Variants in NCOA1 observed in about 807,000 individuals in gnomAD.
The protein encoded by NCOA1 is nuclear receptor coactivator 1.
Under a neutral mutation model 150.9 loss-of-function variants are expected in NCOA1, and 35 were observed. That is an observed-to-expected ratio of 0.23 (90% CI 0.18 to 0.31). The LOEUF (loss-of-function observed/expected upper bound fraction) is 0.31. Among genes scored for constraint, NCOA1 ranks in the 10% least tolerant of loss-of-function variants. NCOA1 has a pLI of 1.00. For missense variants in NCOA1, 1,491 were observed against 1,749.3 expected (o/e 0.85, Z 2.63); for synonymous variants, 590 against 630.0 (o/e 0.94, Z 0.95).
chr2:24,704,327 C>T (rs1457895992), intron 11 of NCOA1, among the ~76,000 whole-genome samples: 4 of 151,802 alleles, frequency 2.6e-5, no homozygotes, highest in East Asian at 3.9e-4. Flanking sequence ...TATGGTGTGT[C>T]AGTCATATCT....
chr2:24,538,295 A>T (rs996133883), intron 1 of NCOA1, among the ~76,000 whole-genome samples: 8 of 152,226 alleles, frequency 5.3e-5, no homozygotes, highest in African/African-American at 1.9e-4. Context: ...ATGCTCATAG[A>T]CTAAAATTGA....
chr2:24,713,917 G>T (rs4665271), intron 14 of NCOA1, among the ~76,000 whole-genome samples: 2 of 152,044 alleles, frequency 1.3e-5, no homozygotes, highest in East Asian at 3.9e-4. Context: ...CTGAATCAGG[G>T]TTCTTTTCTA....
At chr2:24,549,525 C>T (rs1665740101) in intron 1 of NCOA1, among the ~76,000 whole-genome samples, 1 of 152,122 alleles carries the variant, frequency 6.6e-6, no homozygotes. Flanking sequence ...ATTTTCTTCT[C>T]TATCACATTG....
At chr2:24,539,501 A>G (rs774775169) in intron 1 of NCOA1, among the ~76,000 whole-genome samples, 8 of 152,212 alleles carry the variant, frequency 5.3e-5, no homozygotes, top group East Asian at 1.9e-4. Context: ...AGGGCTTTGC[A>G]TATACTAAGG....
chr2:24,718,738 A>G (rs1674190820), intron 14 of NCOA1, among the ~76,000 whole-genome samples: 4 of 151,346 alleles, frequency 2.6e-5, no homozygotes, highest in African/African-American at 4.9e-5. Context: ...AAAAAAAAAA[A>G]ACAAATCAGC....
intron 4 of NCOA1, among the ~76,000 whole-genome samples, chr2:24,648,327 G>A (rs1305464575): frequency 1.3e-5 from 2 of 151,540 alleles, no homozygotes; most frequent in Non-Finnish European, 2.9e-5. Flanking sequence ...AGGCTGGAGT[G>A]CAGTGATGCA....
chr2:24,538,838 C>T (rs182887251), intron 1 of NCOA1, among the ~76,000 whole-genome samples: 3 of 152,088 alleles, frequency 2.0e-5, no homozygotes, highest in Admixed American at 2.0e-4. Context: ...AAGGAGATTA[C>T]AGTCTAGTAG....
At chr2:24,572,789 T>C (rs2148284839) in intron 2 of NCOA1, among the ~76,000 whole-genome samples, 1 of 152,294 alleles carries the variant, frequency 6.6e-6, no homozygotes, top group East Asian at 1.9e-4. Flanking sequence ...CCACACAAAG[T>C]ATCTTTTATT....
intron 1 of NCOA1, among the ~76,000 whole-genome samples, chr2:24,496,249 G>A (rs1232966796): frequency 6.6e-6 from 1 of 152,170 alleles, no homozygotes; most frequent in Non-Finnish European, 1.5e-5. Flanking sequence ...ATTGTTTTCA[G>A]AGGAGATTTT....
chr2:24,761,675 G>T (rs184798667), intron 21 of NCOA1, among the ~76,000 whole-genome samples: 1 of 152,044 alleles, frequency 6.6e-6, no homozygotes, highest in African/African-American at 2.4e-5. Context: ...TTTTTTATTG[G>T]ATGCCAGACA....
chr2:24,523,923 TCAAAAAA>T (rs1232638062), intron 1 of NCOA1, among the ~76,000 whole-genome samples: 1 of 11,912 alleles, frequency 8.4e-5, no homozygotes, highest in African/African-American at 1.9e-4. Flanking sequence ...GGACTCTGTC[TCAAAAAA>T]AAAAAAAAAA....
intron 3 of NCOA1, among the ~76,000 whole-genome samples, chr2:24,637,996 G>A (rs559771563): frequency 4.7e-5 from 7 of 149,542 alleles, no homozygotes; most frequent in East Asian, 1.9e-4. Context: ...GCACCTGGCC[G>A]AAACTATACA....
At chr2:24,706,166 A>G (rs1450009425) in intron 12 of NCOA1, among the ~76,000 whole-genome samples, 1 of 152,128 alleles carries the variant, frequency 6.6e-6, no homozygotes, top group East Asian at 1.9e-4. Flanking sequence ...TTATAAACAG[A>G]GGTGTGAGAA....
At chr2:24,730,135 C>T (rs1662928155) in intron 17 of NCOA1, among the ~76,000 whole-genome samples, 1 of 152,186 alleles carries the variant, frequency 6.6e-6, no homozygotes, top group African/African-American at 2.4e-5. Flanking sequence ...TGAGCCACCG[C>T]ACCCTGCCAG....
chr2:24,619,785 A>G (rs2148404646), intron 3 of NCOA1, among the ~76,000 whole-genome samples: 1 of 152,312 alleles, frequency 6.6e-6, no homozygotes, highest in South Asian at 2.1e-4. Flanking sequence ...ACATTTTAAA[A>G]ATAATTATAG....
chr2:24,737,703 A>AT (rs1218750385), intron 17 of NCOA1, among the ~76,000 whole-genome samples: 1 of 152,116 alleles, frequency 6.6e-6, no homozygotes, highest in Non-Finnish European at 1.5e-5. Flanking sequence ...CCTAGACTGA[A>AT]TGAGTTGCTC....
chr2:24,494,437 C>A (rs902844018), intron 1 of NCOA1, among the ~76,000 whole-genome samples: 1 of 152,144 alleles, frequency 6.6e-6, no homozygotes, highest in African/African-American at 2.4e-5. Context: ...AGTTGGCTGG[C>A]CTTAAGCCAT....
chr2:24,577,701 T>TGG (rs1667047807), intron 2 of NCOA1, among the ~76,000 whole-genome samples: 1 of 152,188 alleles, frequency 6.6e-6, no homozygotes, highest in African/African-American at 2.4e-5. Flanking sequence ...ACTTGGGTGA[T>TGG]AGTACTTTGT....
intron 22 of NCOA1, among the ~76,000 whole-genome samples, 175 bp downstream of exon 22, chr2:24,762,951 T>C (rs189260928): frequency 6.6e-6 from 1 of 152,314 alleles, no homozygotes; most frequent in Non-Finnish European, 1.5e-5. Flanking sequence ...TGAGCTGCTG[T>C]ATAACCACAG....
Sources: gnomAD v4.1 joint callset for allele counts (sites outside exome capture counted in the v4.1 genomes callset) on GRCh38, gnomAD v4.1.1 for gene constraint, MANE v1.5 for transcripts, NCBI Gene and HGNC (gene_info 2026-07-23, HGNC 2026-07-21) for gene names.